The following ATP9A variants were observed in gnomAD, a reference collection of about 807,000 sequenced individuals.
The protein encoded by ATP9A is ATPase phospholipid transporting 9A.
In ATP9A, 52 loss-of-function variants were observed where a neutral mutation model predicts 144.1. The observed-to-expected ratio is 0.36, with a 90% CI of 0.29 to 0.45. The LOEUF (loss-of-function observed/expected upper bound fraction) is 0.45. ATP9A is among the 20% of genes least tolerant of loss of function. The pLI, the probability that ATP9A is intolerant of heterozygous loss-of-function variation, is 1.00. For synonymous variants in ATP9A, 582 were observed against 557.4 expected, an observed-to-expected ratio of 1.04 and a Z score of -0.62; for missense variants, 947 against 1,392.7, an observed-to-expected ratio of 0.68 and a Z score of 5.09.
At chr20:51,756,401 C>G (rs1266281351) in intron 1 of ATP9A, among the ~76,000 whole-genome samples, 1 of 152,048 alleles carries the variant, frequency 6.6e-6, no homozygotes, top group East Asian at 1.9e-4. Context: ...AGCAATTCTC[C>G]TGCCTCGGCC....
chr20:51,714,009 C>T (rs1380964712), intron 3 of ATP9A, among the ~76,000 whole-genome samples: 1 of 151,336 alleles, frequency 6.6e-6, no homozygotes, highest in Non-Finnish European at 1.5e-5. Flanking sequence ...CGGGTTCAAG[C>T]GATTCTCCTG....
At chr20:51,686,243 A>G (rs2077522386) in intron 9 of ATP9A, among the ~76,000 whole-genome samples, 1 of 152,162 alleles carries the variant, frequency 6.6e-6, no homozygotes, top group Non-Finnish European at 1.5e-5. Context: ...GAGGGATAGC[A>G]TTAGGAGATA....
At chr20:51,617,784 G>A (rs2077209375) in intron 21 of ATP9A, among the ~76,000 whole-genome samples, 1 of 152,236 alleles carries the variant, frequency 6.6e-6, no homozygotes, top group African/African-American at 2.4e-5. Context: ...GCACTGAGCA[G>A]CAGCAGTGGG....
intron 3 of ATP9A, among the ~76,000 whole-genome samples, chr20:51,718,543 G>C (rs2077672736): frequency 6.6e-6 from 1 of 151,718 alleles, no homozygotes; most frequent in Non-Finnish European, 1.5e-5. Flanking sequence ...TGTGGCTTGA[G>C]TCGAGCGCTC....
chr20:51,712,881 G>A, intron 4 of ATP9A, 85 bp downstream of exon 4: 1 of 1,236,148 alleles, frequency 8.1e-7, no homozygotes, highest in South Asian at 1.3e-5. Context: ...CACACCTGCG[G>A]CCCGGGCCTT....
intron 1 of ATP9A, among the ~76,000 whole-genome samples, chr20:51,762,493 CAA>C (rs1262709304): frequency 1.5e-3 from 182 of 125,060 alleles, no homozygotes; most frequent in Middle Eastern, 4.4e-3. Flanking sequence ...GACTCTGTCT[CAA>C]AAAAAAAAAA....
chr20:51,618,717 C>A lies in ATP9A; in HGVS notation c.2295G>T (p.Lys765Asn). The change falls in exon 21 of 28, where the codon AAG becomes AAT. Residue 765 changes from lysine to asparagine, a missense_variant. By Grantham distance (94) the Lys-to-Asn change is moderately conservative. Coordinates refer to ENST00000338821, the MANE Select transcript of ATP9A (RefSeq NM_006045.3). ...VVCCRCAPTQ[K>N]AQIVRLLQER... ...CCTGAAGCAGGCGCACGATCTGGGCCTTCTGGGTGGGGGCACATCGGCAGC... is the reference window on the plus strand; with the variant it reads ...CCTGAAGCAGGCGCACGATCTGGGCATTCTGGGTGGGGGCACATCGGCAGC... The A allele has an allele frequency of 2.5e-6, 4 of 1,613,580 alleles. No individual in the cohort carries two copies. The highest frequency in any genetic ancestry group is 2.5e-6 in the Non-Finnish European group (3 of 1,179,834).
chr20:51,679,533 C>A (rs570400566), intron 9 of ATP9A, among the ~76,000 whole-genome samples: 30 of 152,210 alleles, frequency 2.0e-4, no homozygotes, highest in Non-Finnish European at 3.5e-4. Flanking sequence ...ACTGTTGACC[C>A]GAAAGTATCC....
intron 26 of ATP9A, among the ~76,000 whole-genome samples, chr20:51,605,816 G>A (rs1380810276): frequency 6.6e-6 from 1 of 151,612 alleles, no homozygotes; most frequent in Non-Finnish European, 1.5e-5. Flanking sequence ...GGGAGGCTGA[G>A]GCACGAGAAT....
intron 13 of ATP9A, among the ~76,000 whole-genome samples, chr20:51,661,562 G>A (rs1377303399): frequency 1.4e-5 from 2 of 140,808 alleles, no homozygotes; most frequent in South Asian, 2.3e-4. Flanking sequence ...TAGAGACAAG[G>A]TCTCCCTCTT....
At chr20:51,606,134 G>A (rs1356632672) in intron 26 of ATP9A, among the ~76,000 whole-genome samples, 1 of 151,292 alleles carries the variant, frequency 6.6e-6, no homozygotes, top group East Asian at 2.0e-4. Context: ...GTGGGCGCCT[G>A]TAATCCCAGT....
intron 1 of ATP9A, among the ~76,000 whole-genome samples, chr20:51,738,163 G>C (rs1601137694): frequency 6.6e-6 from 1 of 151,666 alleles, no homozygotes; most frequent in Non-Finnish European, 1.5e-5. Context: ...CAAGTAGCTG[G>C]GATTACAGGA....
At chr20:51,663,566 G>A (rs553772026) in intron 13 of ATP9A, among the ~76,000 whole-genome samples, 3 of 151,902 alleles carry the variant, frequency 2.0e-5, no homozygotes, top group East Asian at 1.9e-4. Context: ...AGGCTGAGGC[G>A]GGCGGATCAC....
At chr20:51,614,473 T>C (rs2077195605) in intron 22 of ATP9A, among the ~76,000 whole-genome samples, 1 of 151,908 alleles carries the variant, frequency 6.6e-6, no homozygotes, top group Non-Finnish European at 1.5e-5. Context: ...ACTAATTTAG[T>C]TATTTTTGGT....
chr20:51,683,671 C>T (rs534788340), intron 9 of ATP9A, among the ~76,000 whole-genome samples: 1 of 152,246 alleles, frequency 6.6e-6, no homozygotes, highest in African/African-American at 2.4e-5. Flanking sequence ...CTGCCTTGGT[C>T]TCCCAAAGTG....
intron 20 of ATP9A, 43 bp downstream of exon 20, chr20:51,618,911 C>A (rs1197256512): frequency 1.2e-6 from 2 of 1,609,658 alleles, no homozygotes; most frequent in African/African-American, 2.7e-5. Flanking sequence ...GGGTAAGACC[C>A]AGGCTGCTGG....
chr20:51,625,197 T>C lies in ATP9A; in HGVS notation c.2011A>G (p.Ile671Val). ...PTLETLRNAG[I>V]KVWMLTGDKL... ...CTGCGGGCAGCCCGCCCTACCTTGA[T>C]GCCAGCATTCCTCAGGGTCTCCAGC... The change falls in exon 18 of 28, where the codon ATC becomes GTC. Residue 671 changes from isoleucine (I) to valine (V), a missense_variant. Physicochemically the swap from Ile to Val is conservative, Grantham distance 29. Around this residue, in one of 2 missense-constraint regions of ATP9A, gnomAD observed 770 missense variants for 1,047.9 expected, o/e 0.73. Coordinates refer to ENST00000338821, the MANE Select transcript of ATP9A (RefSeq NM_006045.3). 1 of 1,611,754 alleles carries C rather than the reference T, an allele frequency of 6.2e-7. No homozygotes were observed.
chr20:51,623,978 C>T (rs959198960), intron 18 of ATP9A, among the ~76,000 whole-genome samples: 1 of 152,066 alleles, frequency 6.6e-6, no homozygotes, highest in African/African-American at 2.4e-5. Context: ...CTTGGGCTAA[C>T]ATAGTTTTGA....
At chr20:51,699,294 T>G (rs1253726825) in intron 4 of ATP9A, among the ~76,000 whole-genome samples, 1 of 142,810 alleles carries the variant, frequency 7.0e-6, no homozygotes, top group South Asian at 2.2e-4. Flanking sequence ...GATCTCACCC[T>G]TGCACTCCAG....
Sources: allele counts gnomAD v4.1 joint callset (sites outside exome capture counted in the v4.1 genomes callset), GRCh38; gene constraint gnomAD v4.1.1; regional missense constraint gnomAD v4.1.1; transcripts MANE v1.5; gene names NCBI Gene and HGNC (gene_info 2026-07-23, HGNC 2026-07-21).